The following STK32B variants were observed in gnomAD, a reference collection of about 807,000 sequenced individuals.
The protein encoded by STK32B is serine/threonine kinase 32B.
In STK32B, 43 loss-of-function variants were observed where a neutral mutation model predicts 52.6. That is an observed-to-expected ratio of 0.82 (90% CI 0.64 to 1.05). STK32B has a LOEUF of 1.05. STK32B is among the 50% of genes least tolerant of loss of function. The pLI is 0.00. For missense variants in STK32B, 621 were observed against 534.6 expected (o/e 1.16, Z -1.59); for synonymous variants, 238 against 204.3 (o/e 1.17, Z -1.41).
chr4:5,343,299 A>G (rs1577373470), intron 4 of STK32B, among the ~76,000 whole-genome samples: 1 of 152,054 alleles, frequency 6.6e-6, no homozygotes, highest in Non-Finnish European at 1.5e-5. Flanking sequence ...TTATGGCTGC[A>G]TAGTATTCCA....
chr4:5,254,420 T>C (rs576721647), intron 3 of STK32B, among the ~76,000 whole-genome samples: 115 of 152,322 alleles, frequency 7.5e-4, no homozygotes, highest in African/African-American at 2.6e-3. Flanking sequence ...ATGTCCTAAC[T>C]TGTCATTTTT....
At chr4:5,348,199 A>G (rs1256383308) in intron 4 of STK32B, among the ~76,000 whole-genome samples, 1 of 152,162 alleles carries the variant, frequency 6.6e-6, no homozygotes, top group Non-Finnish European at 1.5e-5. Context: ...ACAGATTCCT[A>G]CAGTCCTAGC....
At chr4:5,216,634 A>G (rs1482563231) in intron 3 of STK32B, among the ~76,000 whole-genome samples, 2 of 152,182 alleles carry the variant, frequency 1.3e-5, no homozygotes, top group African/African-American at 4.8e-5. Context: ...CAGAGGGAAG[A>G]TGGGCAGTGC....
chr4:5,240,459 G>A (rs1177672786), intron 3 of STK32B, among the ~76,000 whole-genome samples: 1 of 151,652 alleles, frequency 6.6e-6, no homozygotes, highest in African/African-American at 2.4e-5. Flanking sequence ...GTTCTTTTTT[G>A]TTTTGTTTTG....
chr4:5,406,824 T>G (rs1035709336), intron 5 of STK32B, among the ~76,000 whole-genome samples: 1 of 152,194 alleles, frequency 6.6e-6, no homozygotes, highest in African/African-American at 2.4e-5. Context: ...TGGGAGGGAC[T>G]GCTGCAGAGG....
At chr4:5,247,585 C>G (rs971136049) in intron 3 of STK32B, among the ~76,000 whole-genome samples, 1 of 152,188 alleles carries the variant, frequency 6.6e-6, no homozygotes, top group Non-Finnish European at 1.5e-5. Flanking sequence ...CTGTCCTGCA[C>G]CCACTGTCCG....
intron 3 of STK32B, among the ~76,000 whole-genome samples, chr4:5,240,044 C>T (rs1007242062): frequency 7.3e-6 from 1 of 137,148 alleles, no homozygotes; most frequent in South Asian, 2.2e-4. Context: ...TTCCCCCCTT[C>T]ATTTCTCTTC....
intron 11 of STK32B, among the ~76,000 whole-genome samples, chr4:5,482,394 A>T (rs575712274): frequency 6.6e-6 from 1 of 151,974 alleles, no homozygotes. Flanking sequence ...TTTGTCTGTT[A>T]TTGGTGTATT....
chr4:5,179,638 C>A (rs990076257), intron 3 of STK32B, among the ~76,000 whole-genome samples: 3 of 152,152 alleles, frequency 2.0e-5, no homozygotes, highest in Non-Finnish European at 2.9e-5. Context: ...GATGGCCCTT[C>A]AAGCTACAAG....
intron 7 of STK32B, among the ~76,000 whole-genome samples, chr4:5,452,730 A>G (rs909729942): frequency 6.6e-6 from 1 of 152,178 alleles, no homozygotes; most frequent in Non-Finnish European, 1.5e-5. Context: ...AATGACAGAC[A>G]TCCGGCAATT....
At chr4:5,180,541 G>A (rs1190772277) in intron 3 of STK32B, among the ~76,000 whole-genome samples, 2 of 152,050 alleles carry the variant, frequency 1.3e-5, no homozygotes, top group South Asian at 2.1e-4. Context: ...TCCCTGCTTG[G>A]TACCACACCC....
At chr4:5,037,691 G>A in the STK32B span, among the ~76,000 whole-genome samples, 1 of 152,220 alleles carries the variant, frequency 6.6e-6, no homozygotes, top group Non-Finnish European at 1.5e-5. Flanking sequence ...AGTTGGTGAA[G>A]ATAAAGATGG....
chr4:5,239,705 A>G (rs1241211507), intron 3 of STK32B, among the ~76,000 whole-genome samples: 1 of 152,080 alleles, frequency 6.6e-6, no homozygotes, highest in African/African-American at 2.4e-5. Flanking sequence ...AGTTTACAAG[A>G]TGGTGTTGGC....
intron 8 of STK32B, among the ~76,000 whole-genome samples, chr4:5,457,315 A>C (rs1414787933): frequency 6.9e-6 from 1 of 144,154 alleles, no homozygotes; most frequent in Admixed American, 7.3e-5. Context: ...TCCCGGGTTC[A>C]CGCCATTTTC....
At chr4:5,100,139 A>G (rs895074961) in intron 1 of STK32B, among the ~76,000 whole-genome samples, 1 of 152,176 alleles carries the variant, frequency 6.6e-6, no homozygotes, top group African/African-American at 2.4e-5. Flanking sequence ...ACAGTGAGCA[A>G]TCCCTCTCGA....
chr4:5,376,572 C>T (rs977686920), intron 4 of STK32B, among the ~76,000 whole-genome samples: 1 of 152,108 alleles, frequency 6.6e-6, no homozygotes, highest in African/African-American at 2.4e-5. Flanking sequence ...CTGAGATTTA[C>T]CTCTTTCCTC....
At chr4:5,388,504 G>A (rs996285454) in intron 4 of STK32B, among the ~76,000 whole-genome samples, 9 of 152,194 alleles carry the variant, frequency 5.9e-5, no homozygotes, top group African/African-American at 1.9e-4. Flanking sequence ...CATACTCACA[G>A]GCTGCCTTGC....
At chr4:5,410,615 A>C (rs1333808023) in intron 5 of STK32B, among the ~76,000 whole-genome samples, 1 of 152,182 alleles carries the variant, frequency 6.6e-6, no homozygotes, top group Admixed American at 6.5e-5. Context: ...TAAGACTGCT[A>C]TACCAGGCTA....
intron 1 of STK32B, among the ~76,000 whole-genome samples, chr4:5,126,426 C>T (rs1300323996): frequency 1.3e-5 from 2 of 152,204 alleles, no homozygotes; most frequent in African/African-American, 4.8e-5. Flanking sequence ...GGCTCGCTCA[C>T]TTATCTGGGA....
Sources: gnomAD v4.1 joint callset for allele counts (sites outside exome capture counted in the v4.1 genomes callset) on GRCh38, gnomAD v4.1.1 for gene constraint, MANE v1.5 for transcripts, NCBI Gene and HGNC (gene_info 2026-07-23, HGNC 2026-07-21) for gene names.